Variants in TESK2 observed in about 807,000 individuals in gnomAD.
TESK2 encodes the protein testis associated actin remodelling kinase 2.
In TESK2, 39 loss-of-function variants were observed where a neutral mutation model predicts 57.1. The observed-to-expected ratio is 0.68, with a 90% CI of 0.53 to 0.89. The LOEUF (loss-of-function observed/expected upper bound fraction) is 0.89, where lower values mean the gene tolerates loss of function less well. TESK2 is among the 40% of genes least tolerant of loss of function. TESK2 has a pLI of 0.00. For synonymous variants in TESK2, 249 were observed against 267.9 expected (o/e 0.93, Z 0.69); for missense variants, 646 against 732.1 (o/e 0.88, Z 1.36).
At chr1:45,401,925 G>A (rs1259272080) in intron 3 of TESK2, among the ~76,000 whole-genome samples, 1 of 151,984 alleles carries the variant, frequency 6.6e-6, no homozygotes, top group Non-Finnish European at 1.5e-5. Flanking sequence ...ACCCATACTG[G>A]TCTTTCCAGA....
At chr1:45,459,183 A>C (rs1174216465) in intron 1 of TESK2, among the ~76,000 whole-genome samples, 1 of 152,228 alleles carries the variant, frequency 6.6e-6, no homozygotes, top group South Asian at 2.1e-4. Flanking sequence ...TCCAGTCTCA[A>C]TATGGCGGCT....
chr1:45,424,365 A>G (rs993649803), intron 2 of TESK2, among the ~76,000 whole-genome samples: 7 of 152,312 alleles, frequency 4.6e-5, no homozygotes, highest in African/African-American at 1.7e-4. Flanking sequence ...AGGAACCCTG[A>G]TCGGAAAAAC....
rs75883514 is a variant in TESK2, at chr1:45,447,282, A to G, written c.222+10282T>C. Among the ~76,000 whole-genome samples the G allele has an allele frequency of 5.6e-4, 85 of 152,306 alleles. No individual in the cohort carries two copies. In the East Asian group the frequency reaches 0.013, roughly 23 times the overall value. On this transcript the variant is annotated intron_variant, in intron 2 of 10. Coordinates refer to ENST00000372086, the MANE Select transcript of TESK2 (RefSeq NM_007170.3). ...TTCACAGTAACACTTAGCTTAAAAC[A>G]CAAACACATTTACCAAGCTGTACAA...
intron 2 of TESK2, among the ~76,000 whole-genome samples, chr1:45,427,234 CAAAAAAAAAAAAAAA>C (rs111269135): frequency 7.7e-6 from 1 of 129,500 alleles, no homozygotes. Context: ...GACTCTGTCT[CAAAAAAAAAAAAAAA>C]AAAAAAAAAA....
intron 9 of TESK2, among the ~76,000 whole-genome samples, 194 bp downstream of exon 9, chr1:45,346,499 A>G (rs893921295): frequency 3.9e-5 from 6 of 152,070 alleles, no homozygotes; most frequent in African/African-American, 1.4e-4. Flanking sequence ...ATACAAAACA[A>G]CTTCTTTCTT....
chr1:45,359,049 T>G (rs1647565452), intron 4 of TESK2, among the ~76,000 whole-genome samples: 1 of 152,246 alleles, frequency 6.6e-6, no homozygotes, highest in Non-Finnish European at 1.5e-5. Flanking sequence ...TCTTAATACA[T>G]ATTTTTGGGT....
At chr1:45,414,960 A>T in intron 3 of TESK2, 2 of 566,400 alleles carry the variant, frequency 3.5e-6, no homozygotes, top group South Asian at 3.7e-5. Flanking sequence ...GTAAATGAAT[A>T]AAAAAAAGAT....
intron 2 of TESK2, 86 bp from the exon 3 acceptor site, chr1:45,421,932 G>A: frequency 1.4e-6 from 2 of 1,452,858 alleles, no homozygotes; most frequent in Non-Finnish European, 1.9e-6. Flanking sequence ...AATATGCCAA[G>A]ATATTTTTGT....
chr1:45,436,176 A>ATTTTTTTTTTTTTTTTTTTT (rs1651205420), intron 2 of TESK2, among the ~76,000 whole-genome samples: 1 of 55,580 alleles, frequency 1.8e-5, no homozygotes, highest in Non-Finnish European at 3.3e-5. Context: ...TGACATTGGT[A>ATTTTTTTTTTTTTTTTTTTT]TCTTCTTTTT....
intron 3 of TESK2, among the ~76,000 whole-genome samples, chr1:45,398,025 G>A (rs1031915089): frequency 3.3e-5 from 5 of 151,886 alleles, no homozygotes; most frequent in Non-Finnish European, 7.4e-5. Flanking sequence ...CTCCCACCTC[G>A]GCCTCCAAAA....
intron 1 of TESK2, among the ~76,000 whole-genome samples, chr1:45,478,800 T>C (rs1653100532): frequency 6.6e-6 from 1 of 151,938 alleles, no homozygotes; most frequent in African/African-American, 2.4e-5. Context: ...CTCAGCTCAC[T>C]GCAACCTCTG....
At chr1:45,478,050 A>G (rs1653070232) in intron 1 of TESK2, among the ~76,000 whole-genome samples, 1 of 152,232 alleles carries the variant, frequency 6.6e-6, no homozygotes, top group South Asian at 2.1e-4. Flanking sequence ...TTCATGTGTC[A>G]TACAAAAGTT....
intron 4 of TESK2, among the ~76,000 whole-genome samples, chr1:45,368,185 G>A (rs1570656399): frequency 1.3e-5 from 2 of 148,312 alleles, no homozygotes; most frequent in East Asian, 2.0e-4. Flanking sequence ...TAATAGAGAT[G>A]GGTTTCACCA....
At chr1:45,421,569 A>G (rs1182141081) in intron 3 of TESK2, among the ~76,000 whole-genome samples, 156 bp downstream of exon 3, 1 of 152,176 alleles carries the variant, frequency 6.6e-6, no homozygotes, top group Non-Finnish European at 1.5e-5. Flanking sequence ...TTAAGTCTCA[A>G]TGGGTAGAAA....
At chr1:45,382,585 A>T (rs1648708808) in intron 4 of TESK2, among the ~76,000 whole-genome samples, 1 of 152,134 alleles carries the variant, frequency 6.6e-6, no homozygotes, top group South Asian at 2.1e-4. Flanking sequence ...AACTTGAGTC[A>T]GCTGGCCGGG....
intron 2 of TESK2, among the ~76,000 whole-genome samples, chr1:45,426,863 A>T (rs1197316789): frequency 6.6e-6 from 1 of 152,188 alleles, no homozygotes. Flanking sequence ...AACATCACTG[A>T]TCATCACAGA....
At position 45,475,209 on chromosome 1, in the gene TESK2, C is replaced by CTTTTTTT. The variant is rs375872140; in HGVS notation, c.-87+15636_-87+15642dup. Among the ~76,000 whole-genome samples, 80 of 113,148 alleles carry CTTTTTTT rather than the reference C, an allele frequency of 7.1e-4. 5 individuals carry two copies. Among genetic ancestry groups the CTTTTTTT allele is most frequent in the Middle Eastern group, 0.01 (2 of 200 alleles). The allele number at this position is 113,148 out of a possible 152,430, so 74.2% of individuals were successfully genotyped here. On this transcript the variant is annotated intron_variant, in intron 1 of 10. Coordinates refer to ENST00000372086, the MANE Select transcript of TESK2 (RefSeq NM_007170.3). ...GTTAGGTTCCTTGTGTTAGCCTGGCCTTTTTTTTTTTTTTTTTTTTTGAGT... is the reference window on the plus strand; with the variant it reads ...GTTAGGTTCCTTGTGTTAGCCTGGCCTTTTTTTTTTTTTTTTTTTTTTTTTTTTGAGT...
Position 45,421,718 on chromosome 1 carries a change from C to T in TESK2, c.344+7G>A, listed in dbSNP as rs1650486435. On this transcript the variant is annotated splice_region_variant and intron_variant, in intron 3 of 10. Transcript: ENST00000372086. ...CTCATTGATCAGAAGGAAGGAAAAG[C>T]CATTACCTAAGGATGTTGGGATGGG... 7.4e-6 allele frequency: 12 copies of T among 1,613,888 alleles called. No individual in the cohort carries two copies. Among genetic ancestry groups the T allele is most frequent in the Non-Finnish European group, 1.0e-5 (12 of 1,179,916 alleles).
intron 2 of TESK2, among the ~76,000 whole-genome samples, chr1:45,443,903 G>A (rs1023556464): frequency 6.6e-6 from 1 of 152,128 alleles, no homozygotes; most frequent in Non-Finnish European, 1.5e-5. Context: ...TGAAGGCCAG[G>A]TACAGTGGCT....
Sources: allele counts gnomAD v4.1 joint callset (sites outside exome capture counted in the v4.1 genomes callset), GRCh38; gene constraint gnomAD v4.1.1; transcripts MANE v1.5; gene names NCBI Gene and HGNC (gene_info 2026-07-23, HGNC 2026-07-21).